EIF4EBP3: variants seen among roughly 807,000 people sequenced by gnomAD.
EIF4EBP3 encodes eukaryotic translation initiation factor 4E binding protein 3.
In EIF4EBP3, 11 loss-of-function variants were observed where a neutral mutation model predicts 12.1. The observed-to-expected ratio is 0.91, with a 90% confidence interval of 0.57 to 1.51. EIF4EBP3 has a LOEUF of 1.51. Ranked by LOEUF, EIF4EBP3 falls within the 40% of genes most tolerant of loss-of-function variation. The pLI, the probability that EIF4EBP3 is intolerant of heterozygous loss-of-function variation, is 0.00. For synonymous variants in EIF4EBP3, 43 were observed against 54.2 expected, an observed-to-expected ratio of 0.79 and a Z score of 0.91; for missense variants, 136 against 131.8, an observed-to-expected ratio of 1.03 and a Z score of -0.16.
In EIF4EBP3 at chr5:140,547,709, C is replaced by T. The variant is rs1047667714; in HGVS notation, c.-29C>T. The T allele has an allele frequency of 1.3e-6, 2 of 1,538,180 alleles. No individual in the cohort carries two copies. The highest frequency in any genetic ancestry group is 2.5e-5 in the East Asian group (1 of 39,980). Reference sequence around the variant, plus strand: ...TGCGCTCCTCGACCTCAACGCCAGGCGGTTACTTTGCTGCTCCTCCCGCTC... The same window carrying T: ...TGCGCTCCTCGACCTCAACGCCAGGTGGTTACTTTGCTGCTCCTCCCGCTC... On this transcript the variant is annotated 5_prime_UTR_variant, in exon 1 of 3. Transcript: ENST00000310331.
intron 1 of EIF4EBP3, 86 bp downstream of exon 1, chr5:140,547,926 C>A: frequency 9.0e-7 from 1 of 1,114,178 alleles, no homozygotes; most frequent in Non-Finnish European, 1.2e-6. Flanking sequence ...GAGGGACAGA[C>A]CTAAGACTTG....
rs922151529 is a variant in EIF4EBP3 at position 140,549,485 on chromosome 5, C to G, written c.*223C>G. On this transcript the variant is annotated 3_prime_UTR_variant, in exon 3 of 3. Coordinates refer to ENST00000310331, the MANE Select transcript of EIF4EBP3 (RefSeq NM_003732.3). ...TCTACTTCCTCTTCAGTCTGTGGTA[C>G]TCCTCCTAACCCTAAACCCTCTATG... is the stretch of plus-strand genomic sequence containing the variant. The G allele has an allele frequency of 1.2e-5, 8 of 661,814 alleles. No homozygotes were observed. The highest frequency in any genetic ancestry group is 2.1e-5 in the Non-Finnish European group (8 of 385,028). The allele number at this position is 661,814 out of a possible 1,614,324, so 41.0% of individuals were successfully genotyped here. A position where few individuals can be genotyped will look rare whatever the true frequency, so the allele number is the denominator to read the frequency against.
At chr5:140,548,791 A>G in intron 1 of EIF4EBP3, 115 bp from the exon 2 acceptor site, 1 of 1,405,460 alleles carries the variant, frequency 7.1e-7, no homozygotes, top group Non-Finnish European at 9.5e-7. Flanking sequence ...CCTTTGATAC[A>G]CAGGGAAATT....
At chr5:140,549,128 CTG>C (rs915918090) in intron 2 of EIF4EBP3, 52 bp downstream of exon 2, 10 of 1,613,954 alleles carry the variant, frequency 6.2e-6, no homozygotes, top group Admixed American at 1.7e-5. Flanking sequence ...TCAAATGCCA[CTG>C]TGACACAGTG....
At position 140,549,223 on chromosome 5, in the gene EIF4EBP3, T is replaced by C. The variant is rs373858121; in HGVS notation, c.275-11T>C. 3.8e-5 allele frequency: 62 copies of C among 1,614,072 alleles called. No individual in the cohort carries two copies. The highest frequency in any genetic ancestry group is 4.9e-5 in the Non-Finnish European group (58 of 1,180,038). The stretch of plus-strand genomic sequence containing the variant: ...ACCAGCAACCTGTCTTCCTGCCTTT[T>C]CTCTCTCCAGATGACGCACAATTTG... On this transcript the variant is annotated splice_polypyrimidine_tract_variant and intron_variant, in intron 2 of 2. Coordinates refer to ENST00000310331, the MANE Select transcript of EIF4EBP3 (RefSeq NM_003732.3).
chr5:140,548,927 G>C lies in EIF4EBP3; in HGVS notation c.125G>C (p.Arg42Pro), dbSNP rs372726703. 7 of 1,613,738 alleles carry C rather than the reference G, an allele frequency of 4.3e-6. No individual in the cohort carries two copies. The African/African-American group carries it at 8.0e-5, about 18-fold the overall frequency. ...TPGGTRIIYD[R>P]KFLLECKNSP... ...ACAGGCACCAGGATCATCTACGACC[G>C]AAAGTTCCTGCTGGAGTGCAAGAAC... Residue 42 changes from arginine (R) to proline (P), a missense_variant, in exon 2 of 3, where the codon CGA becomes CCA. Physicochemically the swap from Arg to Pro is moderately radical, Grantham distance 103. Coordinates refer to ENST00000310331, the MANE Select transcript of EIF4EBP3 (RefSeq NM_003732.3).
chr5:140,549,176 T>G lies in EIF4EBP3; in HGVS notation c.275-58T>G, dbSNP rs1754468235. The G allele has an allele frequency of 1.9e-6, 3 of 1,614,120 alleles. No homozygotes were observed. The African/African-American group carries it at 4.0e-5, about 22-fold the overall frequency. On this transcript the variant is annotated intron_variant, in intron 2 of 2. Transcript: ENST00000310331. ...GTTCCAAGAGGGGTTTCTGCACTGA[T>G]GCTGAGCCTGCAGATCCTCAGACCA...
At chr5:140,548,624 G>C (rs1030711170) in intron 1 of EIF4EBP3, among the ~76,000 whole-genome samples, 4 of 152,138 alleles carry the variant, frequency 2.6e-5, no homozygotes, top group Non-Finnish European at 5.9e-5. Flanking sequence ...GTTCCTCTTA[G>C]AGCCAAGATC....
At position 140,549,440 on chromosome 5, in the gene EIF4EBP3, C is replaced by A; in HGVS notation, c.*178C>A. 2 of 985,288 alleles carry A rather than the reference C, an allele frequency of 2.0e-6. No homozygotes were observed. Among genetic ancestry groups the A allele is most frequent in the Non-Finnish European group, 1.5e-6 (1 of 653,122 alleles). 61.0% of individuals were successfully genotyped at this position (985,288 alleles called of 1,614,324 possible). ...CAGCTAGACCAGGGATAGGAGTGGG[C>A]AACTTGCCAAGCCCTTAACTCTACT... On this transcript the variant is annotated 3_prime_UTR_variant, in exon 3 of 3. Transcript: ENST00000310331.
rs773017625 is a variant in EIF4EBP3 at position 140,549,219 on chromosome 5, CTT to C, written c.275-12_275-11del. Reference sequence around the variant, plus strand: ...TCAGACCAGCAACCTGTCTTCCTGCCTTTTCTCTCTCCAGATGACGCACAATT... The same window carrying C: ...TCAGACCAGCAACCTGTCTTCCTGCCTTCTCTCTCCAGATGACGCACAATT... On this transcript the variant is annotated splice_polypyrimidine_tract_variant and intron_variant, in intron 2 of 2. Transcript: ENST00000310331. The C allele has an allele frequency of 1.2e-6, 2 of 1,614,094 alleles. No individual in the cohort carries two copies.
chr5:140,548,976 C>G lies in EIF4EBP3; in HGVS notation c.174C>G (p.Pro58=). 6.2e-7 allele frequency: 1 copy of G among 1,614,190 alleles called. No homozygotes were observed. Among genetic ancestry groups the G allele is most frequent in the Non-Finnish European group, 8.5e-7 (1 of 1,180,026 alleles). Residue 58 remains proline (P), a synonymous_variant, in exon 2 of 3, where the codon CCC becomes CCG. Coordinates refer to ENST00000310331, the MANE Select transcript of EIF4EBP3 (RefSeq NM_003732.3). ...CKNSPIARTP[P]CCLPQIPGVT... ...ACTCACCCATTGCCCGGACACCCCC[C>G]TGCTGCCTCCCTCAGATTCCCGGGG...
chr5:140,547,774 C>T lies in EIF4EBP3; in HGVS notation c.37C>T (p.Arg13Trp), dbSNP rs372216475. 1.9e-5 allele frequency: 29 copies of T among 1,541,830 alleles called. No homozygotes were observed. Among genetic ancestry groups the T allele is most frequent in the Non-Finnish European group, 2.1e-5 (24 of 1,142,294 alleles). The change falls in exon 1 of 3, where the codon CGG (arginine) becomes TGG (tryptophan). Residue 13 changes from arginine (R) to tryptophan (W), a missense_variant. Coordinates refer to ENST00000310331, the MANE Select transcript of EIF4EBP3 (RefSeq NM_003732.3). Reference sequence around the variant, plus strand: ...CACTAGCTGCCCGATTCCCGGGGGCCGGGACCAGCTGCCCGACTGCTACAG... The same window carrying T: ...CACTAGCTGCCCGATTCCCGGGGGCTGGGACCAGCTGCCCGACTGCTACAG... ...TSTSCPIPGG[R>W]DQLPDCYSTT... is the part of the protein sequence containing the mutation.
At chr5:140,547,903 G>T (rs1754417727) in intron 1 of EIF4EBP3, 63 bp downstream of exon 1, 1 of 1,325,650 alleles carries the variant, frequency 7.5e-7, no homozygotes, top group Non-Finnish European at 9.9e-7. Flanking sequence ...GTTGTTGCGG[G>T]GCGGGGGTAG....
intron 2 of EIF4EBP3, 55 bp from the exon 3 acceptor site, chr5:140,549,179 T>C: frequency 6.2e-7 from 1 of 1,614,238 alleles, no homozygotes; most frequent in South Asian, 1.1e-5. Context: ...GCACTGATGC[T>C]GAGCCTGCAG....
chr5:140,548,224 C>T (rs1268273623), intron 1 of EIF4EBP3, among the ~76,000 whole-genome samples: 2 of 152,192 alleles, frequency 1.3e-5, no homozygotes, highest in Non-Finnish European at 2.9e-5. Flanking sequence ...GCAGTTGCTC[C>T]GTTTTTGTGC....
chr5:140,549,280 G>A lies in EIF4EBP3; in HGVS notation c.*18G>A, dbSNP rs770192060. 1 of 1,614,126 alleles carries A rather than the reference G, an allele frequency of 6.2e-7. No homozygotes were observed. Among genetic ancestry groups the A allele is most frequent in the Non-Finnish European group, 8.5e-7 (1 of 1,180,004 alleles). On this transcript the variant is annotated 3_prime_UTR_variant, in exon 3 of 3. Coordinates refer to ENST00000310331, the MANE Select transcript of EIF4EBP3 (RefSeq NM_003732.3). ...ACATCTAATCCAGTGCAGATGACCT[G>A]GCATGTGGAGTTACAGAGGGATCCC...
chr5:140,548,802 T>G, intron 1 of EIF4EBP3, 104 bp from the exon 2 acceptor site: 2 of 1,462,070 alleles, frequency 1.4e-6, no homozygotes, highest in South Asian at 1.4e-5. Context: ...CAGGGAAATT[T>G]GACACCACCC....
Position 140,549,488 on chromosome 5 carries a change from C to T in EIF4EBP3, c.*226C>T, listed in dbSNP as rs571667447. On this transcript the variant is annotated 3_prime_UTR_variant, in exon 3 of 3. Coordinates refer to ENST00000310331, the MANE Select transcript of EIF4EBP3 (RefSeq NM_003732.3). Reference sequence around the variant, plus strand: ...ACTTCCTCTTCAGTCTGTGGTACTCCTCCTAACCCTAAACCCTCTATGCTC... The same window carrying T: ...ACTTCCTCTTCAGTCTGTGGTACTCTTCCTAACCCTAAACCCTCTATGCTC... The T allele has an allele frequency of 7.7e-6, 5 of 650,390 alleles. No homozygotes were observed. Among genetic ancestry groups the T allele is most frequent in the East Asian group, 2.8e-5 (1 of 35,868 alleles). 40.3% of individuals were successfully genotyped at this position (650,390 alleles called of 1,614,324 possible). A position where few individuals can be genotyped will look rare whatever the true frequency, so the allele number is the denominator to read the frequency against.
At chr5:140,548,871 TC>T in intron 1 of EIF4EBP3, 34 bp from the exon 2 acceptor site, 1 of 1,591,510 alleles carries the variant, frequency 6.3e-7, no homozygotes, top group Non-Finnish European at 8.6e-7. Context: ...GTACCCAAGC[TC>T]CTGACTCTTA....
Sources: allele counts gnomAD v4.1 joint callset (sites outside exome capture counted in the v4.1 genomes callset), GRCh38; gene constraint gnomAD v4.1.1; transcripts MANE v1.5; gene names NCBI Gene and HGNC (gene_info 2026-07-23, HGNC 2026-07-21).